PCDHGA5: variants seen among roughly 807,000 people sequenced by gnomAD.
The protein encoded by PCDHGA5 is protocadherin gamma subfamily A, 5.
In PCDHGA5, 36 loss-of-function variants were observed where a neutral mutation model predicts 56.7. The ratio of observed to expected loss-of-function variants is 0.64; its 90% confidence interval spans 0.49 to 0.84. PCDHGA5 has a LOEUF of 0.84. Among genes scored for constraint, PCDHGA5 ranks in the 40% least tolerant of loss-of-function variants. The probability of loss-of-function intolerance (pLI) is 0.00; values close to 1 mark genes in which losing one functional copy is unlikely to be tolerated. For synonymous variants in PCDHGA5, 563 were observed against 520.2 expected, an observed-to-expected ratio of 1.08 and a Z score of -1.12; for missense variants, 1,305 against 1,201.5, an observed-to-expected ratio of 1.09 and a Z score of -1.27.
At chr5:141,390,233 T>C (rs1388812754) in intron 1 of PCDHGA5, 1 of 1,614,068 alleles carries the variant, frequency 6.2e-7, no homozygotes, top group Non-Finnish European at 8.5e-7. Flanking sequence ...GTGATTCATC[T>C]GGGGCCTTAT....
chr5:141,370,786 C>T (rs1378558214), intron 1 of PCDHGA5: 1 of 1,613,972 alleles, frequency 6.2e-7, no homozygotes, highest in East Asian at 2.2e-5. Flanking sequence ...GACAACCCAC[C>T]GACCTTTAGC....
At chr5:141,404,153 T>G in intron 1 of PCDHGA5, 1 of 1,613,010 alleles carries the variant, frequency 6.2e-7, no homozygotes, top group Non-Finnish European at 8.5e-7. Context: ...AGAAGAAGAT[T>G]ATTACAGATT....
At chr5:141,462,157 A>C (rs1232551906) in intron 1 of PCDHGA5, among the ~76,000 whole-genome samples, 1 of 151,394 alleles carries the variant, frequency 6.6e-6, no homozygotes, top group African/African-American at 2.4e-5. Flanking sequence ...ATGGGGTTTC[A>C]TCATGTTGGC....
rs549051669 is a variant in PCDHGA5, at chr5:141,450,866, C to A, written c.2422-43941C>A. 4.7e-5 allele frequency among the ~76,000 whole-genome samples: 7 copies of A among 149,836 alleles called. No homozygotes were observed. In the East Asian group the frequency reaches 1.4e-3, roughly 29 times the overall value. On this transcript the variant is annotated intron_variant, in intron 1 of 3. Transcript: ENST00000518069. ...TTGAGATGGGGTCTTGCTCTGTCAC[C>A]CAGGCTGGTGTGCAGTGGTGCGATA...
intron 2 of PCDHGA5, among the ~76,000 whole-genome samples, chr5:141,499,612 C>T (rs1489412444): frequency 6.6e-6 from 1 of 151,968 alleles, no homozygotes; most frequent in African/African-American, 2.4e-5. Context: ...TACCCTTATC[C>T]TGTCCTTGGA....
chr5:141,497,739 A>G (rs1180122239), intron 2 of PCDHGA5, among the ~76,000 whole-genome samples: 1 of 152,118 alleles, frequency 6.6e-6, no homozygotes, highest in Admixed American at 6.6e-5. Flanking sequence ...GGGTTTCGCC[A>G]CGTTGGCCAG....
In PCDHGA5 at chr5:141,497,558, TA is replaced by T. The variant is rs543126612; in HGVS notation, c.2480+2694del. 6.7e-3 allele frequency among the ~76,000 whole-genome samples: 979 copies of T among 145,038 alleles called. 16 individuals carry two copies. Among genetic ancestry groups the T allele is most frequent in the African/African-American group, 0.024 (931 of 38,872 alleles). On this transcript the variant is annotated intron_variant, in intron 2 of 3. Coordinates refer to ENST00000518069, the MANE Select transcript of PCDHGA5 (RefSeq NM_018918.3). The stretch of plus-strand genomic sequence containing the variant: ...AACAAACCTTTTTTTTTTTTTTTTT[TA>T]GACAGAGTCTTGCTCTGTTGCCCAA...
chr5:141,382,530 G>T (rs1043069134), intron 1 of PCDHGA5, among the ~76,000 whole-genome samples: 2 of 152,150 alleles, frequency 1.3e-5, no homozygotes, highest in Non-Finnish European at 2.9e-5. Context: ...GTCTTAAAAT[G>T]GATTTTTAAT....
At position 141,366,667 on chromosome 5, in the gene PCDHGA5, C is replaced by G. The variant is rs267600454; in HGVS notation, c.2337C>G (p.Leu779=). 47 of 1,614,054 alleles carry G rather than the reference C, an allele frequency of 2.9e-5. No individual in the cohort carries two copies. Among genetic ancestry groups the G allele is most frequent in the Middle Eastern group, 1.6e-4 (1 of 6,084 alleles). The change falls in exon 1 of 4, where the codon CTC becomes CTG. Residue 779 remains leucine, a synonymous_variant. Coordinates refer to ENST00000518069, the MANE Select transcript of PCDHGA5 (RefSeq NM_018918.3). ...IFPQPNYADT[L]LSEESCEKSE... ...CCCAGCCCAACTACGCAGACACGCT[C>G]CTTAGTGAAGAGAGCTGTGAGAAAA...
chr5:141,496,234 T>C (rs2154591884), intron 2 of PCDHGA5, among the ~76,000 whole-genome samples: 1 of 152,232 alleles, frequency 6.6e-6, no homozygotes, highest in Middle Eastern at 3.4e-3. Context: ...AGGAACCCCC[T>C]GCGGGCTGAA....
At chr5:141,372,676 CA>C (rs1170718624) in intron 1 of PCDHGA5, 3 of 1,613,898 alleles carry the variant, frequency 1.9e-6, no homozygotes, top group Non-Finnish European at 1.7e-6. Context: ...TCACATTCCT[CA>C]AACACCGAGT....
intron 1 of PCDHGA5, chr5:141,417,577 C>A: frequency 2.3e-6 from 1 of 439,676 alleles, no homozygotes; most frequent in Non-Finnish European, 4.0e-6. Flanking sequence ...AAGTTGCAGT[C>A]CCACACAGAG....
intron 1 of PCDHGA5, chr5:141,371,538 A>T: frequency 6.2e-7 from 1 of 1,613,804 alleles, no homozygotes; most frequent in Non-Finnish European, 8.5e-7. Context: ...TAATGGAGAA[A>T]TCCTATGCCA....
At chr5:141,376,522 G>C in intron 1 of PCDHGA5, 1 of 1,613,784 alleles carries the variant, frequency 6.2e-7, no homozygotes, top group Non-Finnish European at 8.5e-7. Context: ...GTTTCTTTCC[G>C]CCTAAGCGGG....
At position 141,511,130 on chromosome 5, in the gene PCDHGA5, G is replaced by A. The variant is rs777082914; in HGVS notation, c.2753G>A (p.Gly918Asp). ...GKRDGKAPAG[G>D]NGNKKKSGKK... ...CGGGATGGCAAGGCCCCAGCAGGTG[G>A]CAATGGCAACAAGAAGAAGTCGGGC... The change falls in exon 4 of 4, where the codon GGC (glycine) becomes GAC (aspartate). Residue 918 changes from glycine (G) to aspartate (D), a missense_variant. Coordinates refer to ENST00000518069, the MANE Select transcript of PCDHGA5 (RefSeq NM_018918.3). 6.2e-7 allele frequency: 1 copy of A among 1,614,210 alleles called. No homozygotes were observed. The highest frequency in any genetic ancestry group is 1.1e-5 in the South Asian group (1 of 91,090).
intron 1 of PCDHGA5, chr5:141,441,364 C>T (rs533396852): frequency 6.6e-6 from 1 of 152,646 alleles, no homozygotes; most frequent in South Asian, 2.1e-4. Context: ...CAAATGGGGC[C>T]GTGGACCAGG....
chr5:141,365,693 G>A lies in PCDHGA5; in HGVS notation c.1363G>A (p.Ala455Thr). ...TGACAACCCACCCAATTTCCCTCAA[G>A]CCTCCTACTCCACCTCTGTCACAGA... ...VNDNPPNFPQ[A>T]SYSTSVTENN... Residue 455 changes from alanine to threonine, a missense_variant, in exon 1 of 4, where the codon GCC becomes ACC. Ala to Thr is a moderately conservative substitution (Grantham distance 58). Transcript: ENST00000518069. 1 of 1,613,364 alleles carries A rather than the reference G, an allele frequency of 6.2e-7. No individual in the cohort carries two copies. The highest frequency in any genetic ancestry group is 1.1e-5 in the South Asian group (1 of 91,056).
intron 1 of PCDHGA5, chr5:141,421,421 T>A (rs982627903): frequency 6.2e-7 from 1 of 1,613,876 alleles, no homozygotes; most frequent in Non-Finnish European, 8.5e-7. Flanking sequence ...AAGCGCGGAG[T>A]CCGCATCGTC....
At chr5:141,480,722 C>T (rs1002559431) in intron 1 of PCDHGA5, among the ~76,000 whole-genome samples, 1 of 152,174 alleles carries the variant, frequency 6.6e-6, no homozygotes, top group African/African-American at 2.4e-5. Flanking sequence ...AAAGCACAGT[C>T]TCTGGGGGTG....
Sources: gnomAD v4.1 joint callset for allele counts (sites outside exome capture counted in the v4.1 genomes callset) on GRCh38, gnomAD v4.1.1 for gene constraint, MANE v1.5 for transcripts, NCBI Gene and HGNC (gene_info 2026-07-23, HGNC 2026-07-21) for gene names.